Variants in ZNF438 observed in about 807,000 individuals in gnomAD.
ZNF438 encodes zinc finger protein 438.
In ZNF438, 25 loss-of-function variants were observed where a neutral mutation model predicts 38.0. That is an observed-to-expected ratio of 0.66 (90% CI 0.48 to 0.92). ZNF438 has a LOEUF of 0.92. ZNF438 is among the 40% of genes least tolerant of loss of function. The pLI is 0.00. For synonymous variants in ZNF438, 372 were observed against 364.1 expected (o/e 1.02, Z -0.25); for missense variants, 1,007 against 999.6 (o/e 1.01, Z -0.10).
intron 2 of ZNF438, among the ~76,000 whole-genome samples, chr10:30,938,914 C>T (rs2046534340): frequency 6.6e-6 from 1 of 152,150 alleles, no homozygotes; most frequent in Non-Finnish European, 1.5e-5. Context: ...CATGCCTCAG[C>T]CTCCTGAGTA....
At chr10:30,852,454 C>T (rs909462493) in intron 4 of ZNF438, among the ~76,000 whole-genome samples, 2 of 151,988 alleles carry the variant, frequency 1.3e-5, no homozygotes, top group African/African-American at 2.4e-5. Flanking sequence ...GTGATCTGCC[C>T]GCCTCGGCCT....
intron 4 of ZNF438, among the ~76,000 whole-genome samples, chr10:30,868,894 C>T (rs1383758638): frequency 6.6e-6 from 1 of 152,154 alleles, no homozygotes; most frequent in Non-Finnish European, 1.5e-5. Context: ...GCTATTTGCA[C>T]CTGCATTTAT....
chr10:30,859,690 A>C (rs554338101), intron 4 of ZNF438, among the ~76,000 whole-genome samples: 1 of 152,310 alleles, frequency 6.6e-6, no homozygotes, highest in East Asian at 1.9e-4. Context: ...AAATGAGAAA[A>C]ATACCCATGA....
intron 1 of ZNF438, among the ~76,000 whole-genome samples, chr10:30,974,492 G>GCAA (rs1743625548): frequency 6.6e-6 from 1 of 152,080 alleles, no homozygotes; most frequent in South Asian, 2.1e-4. Flanking sequence ...AACAGAACAA[G>GCAA]CAACAACAAC....
At chr10:31,018,445 A>G (rs2793104) in intron 1 of ZNF438, among the ~76,000 whole-genome samples, 113,797 of 152,108 alleles carry the variant, frequency 0.75, 43,205 homozygotes, top group African/African-American at 0.83. Flanking sequence ...TAGACAAATT[A>G]ACTCTCTTCC....
chr10:30,933,041 A>C (rs982443486), intron 2 of ZNF438, among the ~76,000 whole-genome samples: 2 of 152,224 alleles, frequency 1.3e-5, no homozygotes, highest in African/African-American at 4.8e-5. Flanking sequence ...GAACTATAAG[A>C]GAATAAATTT....
intron 3 of ZNF438, among the ~76,000 whole-genome samples, chr10:30,890,828 TA>T (rs2134008155): frequency 6.6e-6 from 1 of 152,366 alleles, no homozygotes; most frequent in South Asian, 2.1e-4. Flanking sequence ...AACATGCTTA[TA>T]ATTTCACTTC....
intron 2 of ZNF438, chr10:30,921,280 A>G (rs908941526): frequency 2.0e-5 from 3 of 152,212 alleles, no homozygotes; most frequent in Non-Finnish European, 4.4e-5. Context: ...AGTAAAAAAG[A>G]TCTGTCCTCC....
chr10:30,912,158 ACTT>A (rs2043147111), intron 2 of ZNF438, among the ~76,000 whole-genome samples: 1 of 151,988 alleles, frequency 6.6e-6, no homozygotes, highest in African/African-American at 2.4e-5. Flanking sequence ...CTTCAAATAA[ACTT>A]CTCTACAGAG....
At chr10:30,915,413 T>C (rs1321887732) in intron 2 of ZNF438, among the ~76,000 whole-genome samples, 1 of 152,062 alleles carries the variant, frequency 6.6e-6, no homozygotes, top group Non-Finnish European at 1.5e-5. Context: ...GTACTTCATA[T>C]AAGCAACCAG....
chr10:30,934,806 T>C (rs911033447), intron 2 of ZNF438, among the ~76,000 whole-genome samples: 10 of 152,234 alleles, frequency 6.6e-5, no homozygotes, highest in African/African-American at 2.4e-4. Context: ...GTATAGAAAC[T>C]AATGATTGCT....
intron 2 of ZNF438, among the ~76,000 whole-genome samples, chr10:30,912,531 C>A (rs1272644305): frequency 6.6e-6 from 1 of 151,970 alleles, no homozygotes; most frequent in African/African-American, 2.4e-5. Context: ...CTTTTTTGTT[C>A]TGTACTTTTA....
intron 1 of ZNF438, among the ~76,000 whole-genome samples, chr10:30,964,277 C>A (rs1438029730): frequency 6.6e-6 from 1 of 152,176 alleles, no homozygotes; most frequent in Non-Finnish European, 1.5e-5. Context: ...TTGTTTAATG[C>A]CCTATTCAAG....
intron 1 of ZNF438, among the ~76,000 whole-genome samples, chr10:30,945,370 T>A (rs373856185): frequency 6.7e-6 from 1 of 150,250 alleles, no homozygotes; most frequent in Non-Finnish European, 1.5e-5. Flanking sequence ...CTGCATGGTA[T>A]CTCTTTGGAT....
chr10:30,872,318 CG>C (rs2037559897), intron 4 of ZNF438, among the ~76,000 whole-genome samples: 1 of 150,710 alleles, frequency 6.6e-6, no homozygotes, highest in African/African-American at 2.4e-5. Context: ...CCCAGCTATT[CG>C]GGAGGCTGAG....
chr10:30,899,662 AC>A (rs2041763944), intron 3 of ZNF438, among the ~76,000 whole-genome samples: 1 of 150,252 alleles, frequency 6.7e-6, no homozygotes, highest in Admixed American at 6.6e-5. Context: ...CCACCCCCCC[AC>A]ACACAGGGCA....
At chr10:30,903,825 T>C (rs372236877) in intron 3 of ZNF438, among the ~76,000 whole-genome samples, 3 of 152,228 alleles carry the variant, frequency 2.0e-5, no homozygotes, top group East Asian at 1.9e-4. Flanking sequence ...TGTTTTTTAA[T>C]GATTTGCTTT....
At chr10:30,866,638 T>A (rs1374690127) in intron 4 of ZNF438, among the ~76,000 whole-genome samples, 5 of 151,972 alleles carry the variant, frequency 3.3e-5, no homozygotes, top group Non-Finnish European at 7.4e-5. Context: ...ATCGAGACCA[T>A]CCTGGCTAAC....
chr10:30,902,381 C>CAT (rs34685667), intron 3 of ZNF438, among the ~76,000 whole-genome samples: 118,538 of 151,920 alleles, frequency 0.78, 47,016 homozygotes, highest in African/African-American at 0.89. Context: ...TTGAGCTAGA[C>CAT]AGAGTGCTGA....
Sources: gnomAD v4.1 joint callset for allele counts (sites outside exome capture counted in the v4.1 genomes callset) on GRCh38, gnomAD v4.1.1 for gene constraint, MANE v1.5 for transcripts, NCBI Gene and HGNC (gene_info 2026-07-23, HGNC 2026-07-21) for gene names.